The following RALGPS1 variants were observed in gnomAD, a reference collection of about 807,000 sequenced individuals.
RALGPS1 encodes the protein Ral GEF with PH domain and SH3 binding motif 1.
A neutral mutation model predicts 78.8 loss-of-function variants in RALGPS1; 19 were observed. The ratio of observed to expected loss-of-function variants is 0.24; its 90% CI spans 0.17 to 0.35. The LOEUF (loss-of-function observed/expected upper bound fraction) is 0.35. Ranked by LOEUF, RALGPS1 falls within the 10% of genes least tolerant of loss-of-function variation. The pLI, the probability that RALGPS1 is intolerant of heterozygous loss-of-function variation, is 1.00. For missense variants in RALGPS1, 454 were observed against 688.3 expected, an observed-to-expected ratio of 0.66 and a Z score of 3.81; for synonymous variants, 228 against 256.3, an observed-to-expected ratio of 0.89 and a Z score of 1.06.
intron 1 of RALGPS1, among the ~76,000 whole-genome samples, chr9:126,927,025 C>T (rs543601647): frequency 6.6e-6 from 1 of 152,224 alleles, no homozygotes; most frequent in African/African-American, 2.4e-5. Flanking sequence ...TGGACCTGCC[C>T]ACTTGGTGAC....
chr9:126,926,219 A>G (rs1018724687), intron 1 of RALGPS1, among the ~76,000 whole-genome samples: 1 of 152,204 alleles, frequency 6.6e-6, no homozygotes, highest in African/African-American at 2.4e-5. Flanking sequence ...AGTGGTTTTC[A>G]GTCATTAAGT....
chr9:127,079,907 C>T (rs1488966406), intron 8 of RALGPS1: 2 of 152,204 alleles, frequency 1.3e-5, no homozygotes, highest in Middle Eastern at 3.2e-3. Context: ...GCACATTGCA[C>T]AACCTTTATC....
chr9:127,103,710 C>G (rs2053951884), intron 8 of RALGPS1, among the ~76,000 whole-genome samples: 1 of 152,126 alleles, frequency 6.6e-6, no homozygotes, highest in African/African-American at 2.4e-5. Flanking sequence ...GTTCTAATAA[C>G]AAATCTACCA....
intron 5 of RALGPS1, among the ~76,000 whole-genome samples, chr9:127,037,324 G>C (rs2134781078): frequency 6.6e-6 from 1 of 152,328 alleles, no homozygotes; most frequent in South Asian, 2.1e-4. Context: ...GGAGAAACGT[G>C]GTTCTAGTCT....
intron 4 of RALGPS1, among the ~76,000 whole-genome samples, chr9:126,998,050 C>A (rs1472472102): frequency 5.3e-5 from 8 of 151,874 alleles, no homozygotes; most frequent in East Asian, 1.9e-4. Context: ...AATGTTAGAC[C>A]TAAAACCATA....
chr9:127,127,177 T>A (rs920420283), intron 8 of RALGPS1, among the ~76,000 whole-genome samples: 2 of 152,226 alleles, frequency 1.3e-5, no homozygotes, highest in African/African-American at 4.8e-5. Context: ...AAGTCCAACC[T>A]CTTTCCCATC....
intron 8 of RALGPS1, among the ~76,000 whole-genome samples, chr9:127,074,712 C>T (rs1460123711): frequency 6.6e-6 from 1 of 152,246 alleles, no homozygotes; most frequent in Non-Finnish European, 1.5e-5. Context: ...CGCACAATAG[C>T]CCAGTGAATA....
intron 4 of RALGPS1, among the ~76,000 whole-genome samples, chr9:127,032,392 CAT>C (rs1039098900): frequency 9.5e-5 from 14 of 147,982 alleles, no homozygotes; most frequent in East Asian, 2.0e-4. Context: ...CACACACACA[CAT>C]GACTTCTGCT....
chr9:127,064,120 G>T (rs560192578), intron 7 of RALGPS1, among the ~76,000 whole-genome samples: 1 of 152,206 alleles, frequency 6.6e-6, no homozygotes, highest in Non-Finnish European at 1.5e-5. Flanking sequence ...GGTGCCCCAA[G>T]ACTTCTAAAC....
intron 8 of RALGPS1, among the ~76,000 whole-genome samples, chr9:127,146,465 C>T (rs2058098595): frequency 1.3e-5 from 2 of 151,338 alleles, no homozygotes; most frequent in African/African-American, 2.4e-5. Context: ...TCCAGTTTAC[C>T]ATTGATGGGC....
chr9:127,171,627 C>T (rs114592134), intron 10 of RALGPS1, among the ~76,000 whole-genome samples: 3,394 of 152,218 alleles, frequency 0.022, 124 homozygotes, highest in African/African-American at 0.077. Flanking sequence ...GGCGTGGTGG[C>T]GCACGCCTGT....
chr9:126,983,771 T>C (rs1462625374), intron 4 of RALGPS1, among the ~76,000 whole-genome samples: 1 of 152,238 alleles, frequency 6.6e-6, no homozygotes, highest in Non-Finnish European at 1.5e-5. Flanking sequence ...AATATTCTGC[T>C]TCTTCTTGGT....
intron 4 of RALGPS1, among the ~76,000 whole-genome samples, chr9:127,024,223 T>G (rs2045761147): frequency 6.6e-6 from 1 of 151,964 alleles, no homozygotes. Flanking sequence ...ATATGTCATC[T>G]ACTAAAAATT....
intron 11 of RALGPS1, among the ~76,000 whole-genome samples, chr9:127,194,052 G>A (rs147613634): frequency 1.0e-3 from 155 of 152,312 alleles, no homozygotes; most frequent in African/African-American, 3.7e-3. Flanking sequence ...TGAGGTTTGC[G>A]CCCCTAACTC....
At chr9:127,089,225 C>T in intron 8 of RALGPS1, 1 of 1,394,664 alleles carries the variant, frequency 7.2e-7, no homozygotes, top group South Asian at 1.2e-5. Context: ...GCAAAGCCCT[C>T]TCTGGGAGGC....
intron 8 of RALGPS1, among the ~76,000 whole-genome samples, chr9:127,097,628 C>T (rs761569367): frequency 5.3e-5 from 8 of 152,190 alleles, no homozygotes; most frequent in Non-Finnish European, 1.0e-4. Context: ...TTATGTGGCT[C>T]CTTTAAAATA....
chr9:126,968,314 A>G (rs888740966), intron 3 of RALGPS1, among the ~76,000 whole-genome samples: 4 of 152,154 alleles, frequency 2.6e-5, no homozygotes, highest in South Asian at 2.1e-4. Flanking sequence ...CAAGAGTTCA[A>G]TTCTTACAAC....
intron 4 of RALGPS1, among the ~76,000 whole-genome samples, chr9:126,994,801 A>T (rs1475106311): frequency 1.3e-5 from 2 of 152,132 alleles, no homozygotes; most frequent in Non-Finnish European, 2.9e-5. Flanking sequence ...TTACCCACAA[A>T]GGGAAGCCCA....
At chr9:127,074,688 C>T (rs1278254584) in intron 8 of RALGPS1, among the ~76,000 whole-genome samples, 1 of 152,250 alleles carries the variant, frequency 6.6e-6, no homozygotes, top group African/African-American at 2.4e-5. Context: ...TTGAATGCAT[C>T]ATTTCACTGA....
Sources: gnomAD v4.1 joint callset for allele counts (sites outside exome capture counted in the v4.1 genomes callset) on GRCh38, gnomAD v4.1.1 for gene constraint, MANE v1.5 for transcripts, NCBI Gene and HGNC (gene_info 2026-07-23, HGNC 2026-07-21) for gene names.